The following AGBL4 variants were observed in gnomAD, a reference collection of about 807,000 sequenced individuals.
AGBL4 encodes AGBL carboxypeptidase 4, also known as cytosolic carboxypeptidase 6.
In AGBL4, 58 loss-of-function variants were observed where a neutral mutation model predicts 66.4. The observed-to-expected ratio is 0.87, with a 90% confidence interval of 0.71 to 1.09. The LOEUF is 1.09. Ranked by LOEUF, AGBL4 falls within the 50% of genes least tolerant of loss-of-function variation. The pLI is 0.00. For synonymous variants in AGBL4, 234 were observed against 222.9 expected (o/e 1.05, Z -0.44); for missense variants, 579 against 631.0 (o/e 0.92, Z 0.88).
chr1:49,968,212 A>C (rs1657737084), intron 1 of AGBL4, among the ~76,000 whole-genome samples: 1 of 122,720 alleles, frequency 8.1e-6, no homozygotes, highest in Non-Finnish European at 1.8e-5. Context: ...AAAAAGAGGG[A>C]GACTGTCAAA....
chr1:49,106,305 C>T (rs1369197505), intron 4 of AGBL4, among the ~76,000 whole-genome samples: 1 of 152,178 alleles, frequency 6.6e-6, no homozygotes, highest in East Asian at 1.9e-4. Flanking sequence ...CTCCAATCAT[C>T]AGCAGAAACA....
intron 3 of AGBL4, among the ~76,000 whole-genome samples, chr1:49,507,955 A>G (rs1051233490): frequency 6.6e-6 from 1 of 151,898 alleles, no homozygotes; most frequent in African/African-American, 2.4e-5. Flanking sequence ...TGAGACTGAT[A>G]ATAGCATTTG....
chr1:49,436,296 T>A (rs1386632304), intron 3 of AGBL4, among the ~76,000 whole-genome samples: 1 of 152,014 alleles, frequency 6.6e-6, no homozygotes, highest in Non-Finnish European at 1.5e-5. Context: ...AAAAGAGAAA[T>A]GAAATATCAA....
rs902838890 is a variant in AGBL4, at chr1:49,664,114, A to G, written c.282+33199T>C. On this transcript the variant is annotated intron_variant, in intron 3 of 13. Coordinates refer to ENST00000371839, the MANE Select transcript of AGBL4 (RefSeq NM_032785.4). Reference sequence around the variant, plus strand: ...AATTCAGGGGATAAGTCCTAAATAAAAACATGTTCTGGTGACATGCTTGAG... The same window carrying G: ...AATTCAGGGGATAAGTCCTAAATAAGAACATGTTCTGGTGACATGCTTGAG... Among the ~76,000 whole-genome samples the G allele has an allele frequency of 6.6e-4, 100 of 152,078 alleles. 1 individual carries two copies. The highest frequency in any genetic ancestry group is 2.3e-3 in the African/African-American group (97 of 41,468).
intron 2 of AGBL4, among the ~76,000 whole-genome samples, chr1:49,703,525 TAA>T (rs776360933): frequency 1.4e-5 from 2 of 141,680 alleles, no homozygotes; most frequent in Non-Finnish European, 1.6e-5. Flanking sequence ...CATTCATGAT[TAA>T]AAAAAAAAAA....
rs529992164 is a variant in AGBL4 at position 49,938,273 on chromosome 1, A to G, written c.34+85490T>C. Among the ~76,000 whole-genome samples, 20 of 152,296 alleles carry G rather than the reference A, an allele frequency of 1.3e-4. No homozygotes were observed. In the East Asian group the frequency reaches 3.3e-3, roughly 25 times the overall value. On this transcript the variant is annotated intron_variant, in intron 1 of 13. Coordinates refer to ENST00000371839, the MANE Select transcript of AGBL4 (RefSeq NM_032785.4). ...GAAATGGATAAATTCCTCGACACAT[A>G]CACCCTCCCAAGACTAAACCAGGAA...
intron 1 of AGBL4, among the ~76,000 whole-genome samples, chr1:50,002,914 G>A (rs959688764): frequency 6.6e-6 from 1 of 152,024 alleles, no homozygotes; most frequent in Non-Finnish European, 1.5e-5. Context: ...AAAAAGTAAA[G>A]TAAAAATAAC....
chr1:49,149,114 C>T (rs149037423), intron 4 of AGBL4, among the ~76,000 whole-genome samples: 1 of 152,338 alleles, frequency 6.6e-6, no homozygotes, highest in East Asian at 1.9e-4. Context: ...TCCAGGTTTA[C>T]AGCAACTGAA....
intron 3 of AGBL4, among the ~76,000 whole-genome samples, chr1:49,429,585 C>T (rs1645738333): frequency 6.6e-6 from 1 of 152,120 alleles, no homozygotes; most frequent in Non-Finnish European, 1.5e-5. Context: ...TCTTCTGTTA[C>T]TACCTTACTC....
At chr1:49,480,901 C>T (rs977880240) in intron 3 of AGBL4, among the ~76,000 whole-genome samples, 2 of 151,928 alleles carry the variant, frequency 1.3e-5, no homozygotes, top group African/African-American at 4.8e-5. Flanking sequence ...GAGTCCTTTC[C>T]CCCATTGCTT....
intron 6 of AGBL4, among the ~76,000 whole-genome samples, chr1:48,809,776 T>C (rs1646008553): frequency 6.6e-6 from 1 of 152,188 alleles, no homozygotes; most frequent in South Asian, 2.1e-4. Context: ...CAAAGACGGG[T>C]ATCCCTATGC....
chr1:48,899,330 A>G (rs1001251370), intron 5 of AGBL4, among the ~76,000 whole-genome samples: 1 of 152,232 alleles, frequency 6.6e-6, no homozygotes, highest in African/African-American at 2.4e-5. Context: ...AAACTAGTGG[A>G]AAATGAAATG....
At chr1:49,779,115 C>G (rs1159385587) in intron 2 of AGBL4, among the ~76,000 whole-genome samples, 1 of 152,074 alleles carries the variant, frequency 6.6e-6, no homozygotes, top group Non-Finnish European at 1.5e-5. Context: ...AAGAGCTGAG[C>G]TGAAATCAAG....
intron 2 of AGBL4, chr1:49,846,047 A>T (rs1571701777): frequency 6.3e-7 from 1 of 1,591,508 alleles, no homozygotes; most frequent in East Asian, 2.2e-5. Context: ...TGCTCCCCTC[A>T]TTCAGCATCA....
intron 4 of AGBL4, among the ~76,000 whole-genome samples, chr1:49,049,478 TC>T (rs1222742355): frequency 3.9e-5 from 6 of 152,138 alleles, no homozygotes. Flanking sequence ...TTTGGATATT[TC>T]TTCAAAGAGT....
chr1:49,457,754 GA>G (rs1395718306), intron 3 of AGBL4, among the ~76,000 whole-genome samples: 19 of 151,868 alleles, frequency 1.3e-4, no homozygotes, highest in Non-Finnish European at 2.7e-4. Context: ...GAGACATAAG[GA>G]TCCAGTTTCA....
At chr1:49,077,906 T>G (rs966158494) in intron 4 of AGBL4, among the ~76,000 whole-genome samples, 2 of 152,138 alleles carry the variant, frequency 1.3e-5, no homozygotes, top group African/African-American at 4.8e-5. Context: ...AATGTTAATA[T>G]TAACAGTCAG....
intron 3 of AGBL4, among the ~76,000 whole-genome samples, chr1:49,276,123 C>T (rs993290823): frequency 2.5e-4 from 38 of 150,846 alleles, no homozygotes; most frequent in East Asian, 1.6e-3. Flanking sequence ...CATATATATA[C>T]ACACACACAC....
chr1:49,801,128 A>G (rs1644851107), intron 2 of AGBL4, among the ~76,000 whole-genome samples: 1 of 152,224 alleles, frequency 6.6e-6, no homozygotes, highest in African/African-American at 2.4e-5. Context: ...GCCATCAGAG[A>G]AATGCAAATC....
Sources: gnomAD v4.1 joint callset for allele counts (sites outside exome capture counted in the v4.1 genomes callset) on GRCh38, gnomAD v4.1.1 for gene constraint, MANE v1.5 for transcripts, NCBI Gene and HGNC (gene_info 2026-07-23, HGNC 2026-07-21) for gene names.